Variants in COL11A1 observed in about 807,000 individuals in gnomAD.
COL11A1 encodes collagen type XI alpha 1 chain.
Under a neutral mutation model 265.2 loss-of-function variants are expected in COL11A1, and 74 were observed. The ratio of observed to expected loss-of-function variants is 0.28; its 90% CI spans 0.23 to 0.34. COL11A1 has a LOEUF of 0.34. COL11A1 is among the 10% of genes least tolerant of loss of function. The pLI is 1.00. For synonymous variants in COL11A1, 816 were observed against 727.6 expected (o/e 1.12, Z -1.96); for missense variants, 2,165 against 2,263.6 (o/e 0.96, Z 0.88).
intron 50 of COL11A1, 23 bp from the exon 51 acceptor site, chr1:102,914,834 A>AAAAG (rs1655126668): frequency 2.6e-6 from 4 of 1,555,466 alleles, no homozygotes; most frequent in South Asian, 1.1e-5. Flanking sequence ...AAAAAAAAAA[A>AAAAG]AAGAAGAAGA....
intron 10 of COL11A1, among the ~76,000 whole-genome samples, chr1:103,018,574 C>T (rs778262402): frequency 3.9e-5 from 6 of 152,026 alleles, no homozygotes; most frequent in South Asian, 2.1e-4. Context: ...AGTAGAAAGA[C>T]GAAAATGAGT....
chr1:102,973,387 TA>T (rs915026826), intron 36 of COL11A1, among the ~76,000 whole-genome samples: 2 of 151,940 alleles, frequency 1.3e-5, no homozygotes, highest in African/African-American at 2.4e-5. Context: ...AAAAGTCTGA[TA>T]AAAAAATGAG....
intron 4 of COL11A1, among the ~76,000 whole-genome samples, chr1:103,037,757 C>G (rs1034534492): frequency 1.3e-5 from 2 of 152,148 alleles, no homozygotes; most frequent in African/African-American, 2.4e-5. Context: ...CTCACAAGAT[C>G]TAAACTTTTA....
chr1:103,099,044 C>T (rs1449756462), intron 1 of COL11A1, among the ~76,000 whole-genome samples: 1 of 151,752 alleles, frequency 6.6e-6, no homozygotes, highest in Non-Finnish European at 1.5e-5. Flanking sequence ...TTAGCAATGT[C>T]AACAACGCCC....
chr1:103,033,132 T>C (rs1668110935), intron 4 of COL11A1, among the ~76,000 whole-genome samples: 1 of 152,116 alleles, frequency 6.6e-6, no homozygotes, highest in Non-Finnish European at 1.5e-5. Context: ...TTTATCATAA[T>C]GTCTTCAAGA....
intron 28 of COL11A1, among the ~76,000 whole-genome samples, chr1:102,990,465 C>T (rs1664024582): frequency 6.6e-6 from 1 of 151,622 alleles, no homozygotes; most frequent in Admixed American, 6.6e-5. Context: ...GGTAGAATTG[C>T]TAATTGTAGC....
chr1:102,913,615 A>G (rs1376504265), intron 53 of COL11A1, 22 bp downstream of exon 53: 2 of 1,609,664 alleles, frequency 1.2e-6, no homozygotes, highest in African/African-American at 1.3e-5. Context: ...AAACTTAAAA[A>G]TAAATTAGTG....
intron 57 of COL11A1, among the ~76,000 whole-genome samples, chr1:102,894,165 T>C (rs888698226): frequency 7.2e-5 from 11 of 152,204 alleles, no homozygotes; most frequent in Non-Finnish European, 1.6e-4. Context: ...ATTTTAGTTT[T>C]AAAAGTGACT....
intron 54 of COL11A1, among the ~76,000 whole-genome samples, chr1:102,905,307 G>A (rs1389291544): frequency 6.7e-6 from 1 of 150,194 alleles, no homozygotes; most frequent in Non-Finnish European, 1.5e-5. Flanking sequence ...ACACCAACAT[G>A]GCACATGTAT....
At chr1:103,049,025 G>A (rs895596706) in intron 4 of COL11A1, among the ~76,000 whole-genome samples, 3 of 152,074 alleles carry the variant, frequency 2.0e-5, no homozygotes, top group African/African-American at 7.2e-5. Context: ...CCAAATATGT[G>A]GTCAATTTTG....
At chr1:103,068,110 C>T (rs192880528) in intron 4 of COL11A1, among the ~76,000 whole-genome samples, 27 of 151,528 alleles carry the variant, frequency 1.8e-4, no homozygotes, top group Admixed American at 1.8e-3. Context: ...CAGTATAACC[C>T]TATCAAAACC....
At chr1:102,901,356 T>C (rs1389898035) in intron 54 of COL11A1, among the ~76,000 whole-genome samples, 1 of 150,802 alleles carries the variant, frequency 6.6e-6, no homozygotes, top group African/African-American at 2.4e-5. Context: ...GTGAATTTGA[T>C]GTCTTGCTCT....
chr1:103,099,455 T>TTA (rs1252083967), intron 1 of COL11A1, among the ~76,000 whole-genome samples: 3 of 146,856 alleles, frequency 2.0e-5, no homozygotes, highest in South Asian at 4.2e-4. Context: ...CATCCATACA[T>TTA]TATATATATG....
At chr1:102,915,581 GA>G (rs1176850411) in intron 50 of COL11A1, 49 bp downstream of exon 50, 1 of 1,510,546 alleles carries the variant, frequency 6.6e-7, no homozygotes, top group Non-Finnish European at 9.2e-7. Flanking sequence ...TGCTGTAAAA[GA>G]AATTCCCAAA....
At position 102,924,621 on chromosome 1, in the gene COL11A1, G is replaced by A. The variant is rs1656378595; in HGVS notation, c.3601-1232C>T. On this transcript the variant is annotated intron_variant, in intron 46 of 66. Coordinates refer to ENST00000370096, the MANE Select transcript of COL11A1 (RefSeq NM_001854.4). ...AAATTAAAATGTTTGTTGAATGAAT[G>A]AACTCTAAGAAAATAAACTAATAAG... Among the ~76,000 whole-genome samples the A allele has an allele frequency of 3.9e-5, 6 of 152,106 alleles. No individual in the cohort carries two copies. The South Asian group carries it at 1.2e-3, about 31-fold the overall frequency.
intron 1 of COL11A1, among the ~76,000 whole-genome samples, chr1:103,103,204 G>A (rs542498231): frequency 6.6e-6 from 1 of 152,014 alleles, no homozygotes; most frequent in Non-Finnish European, 1.5e-5. Context: ...ACACACAAGT[G>A]TGTCATAATG....
In COL11A1 at chr1:102,962,162, G is replaced by A; in HGVS notation, c.3114+14C>T. On this transcript the variant is annotated intron_variant, in intron 40 of 66. Transcript: ENST00000370096. ...TGGAATCACTTGCTTTATCTATATA[G>A]ATATTGATTATACCTGAGCTCCAGG... 3 of 1,579,686 alleles carry A rather than the reference G, an allele frequency of 1.9e-6. No homozygotes were observed. The African/African-American group carries it at 4.0e-5, about 21-fold the overall frequency.
At chr1:102,903,445 T>TA (rs950937481) in intron 54 of COL11A1, among the ~76,000 whole-genome samples, 3 of 150,030 alleles carry the variant, frequency 2.0e-5, no homozygotes, top group Non-Finnish European at 3.0e-5. Context: ...TAAGATATTA[T>TA]AAAAAAAATT....
intron 43 of COL11A1, among the ~76,000 whole-genome samples, chr1:102,939,930 G>A (rs544819874): frequency 6.6e-6 from 1 of 151,988 alleles, no homozygotes; most frequent in Non-Finnish European, 1.5e-5. Flanking sequence ...AATGATAACA[G>A]GATTATGAAG....
Sources: allele counts gnomAD v4.1 joint callset (sites outside exome capture counted in the v4.1 genomes callset), GRCh38; gene constraint gnomAD v4.1.1; transcripts MANE v1.5; gene names NCBI Gene and HGNC (gene_info 2026-07-23, HGNC 2026-07-21).